The following PAM variants were observed in gnomAD, a reference collection of about 807,000 sequenced individuals.
The protein encoded by PAM is peptidyl-glycine alpha-amidating monooxygenase.
A neutral mutation model predicts 122.1 loss-of-function variants in PAM; 72 were observed. The observed-to-expected ratio is 0.59, with a 90% CI of 0.49 to 0.72. The LOEUF is 0.72. PAM is among the 30% of genes least tolerant of loss of function. The pLI, the probability that PAM is intolerant of heterozygous loss-of-function variation, is 0.00. For missense variants in PAM, 1,106 were observed against 1,183.7 expected, an observed-to-expected ratio of 0.93 and a Z score of 0.96; for synonymous variants, 389 against 404.4, an observed-to-expected ratio of 0.96 and a Z score of 0.46.
At chr5:102,849,185 A>G (rs1780715492) in intron 1 of PAM, among the ~76,000 whole-genome samples, 1 of 152,178 alleles carries the variant, frequency 6.6e-6, no homozygotes, top group Admixed American at 6.5e-5. Context: ...CCACCCAAAC[A>G]CAATCATGGA....
intron 19 of PAM, among the ~76,000 whole-genome samples, 163 bp downstream of exon 19, chr5:103,007,174 CACACACACACATATACAT>C (rs1442771164): frequency 1.4e-5 from 2 of 139,860 alleles, no homozygotes; most frequent in African/African-American, 5.5e-5. Context: ...CTCACACACA[CACACACACACATATACAT>C]ACACACACAC....
At position 102,920,592 on chromosome 5, in the gene PAM, A is replaced by G. The variant is rs566531178; in HGVS notation, c.357-4365A>G. ...GGAAAATATTCTATGGGTTTATAGA[A>G]CAGGTAATAGTATTTGAATATCTGA... On this transcript the variant is annotated intron_variant, in intron 5 of 25. Transcript: ENST00000438793. 6.6e-5 allele frequency among the ~76,000 whole-genome samples: 10 copies of G among 152,254 alleles called. No individual in the cohort carries two copies. The South Asian group carries it at 2.1e-3, about 32-fold the overall frequency.
chr5:102,898,636 T>C (rs1796833928), intron 3 of PAM, among the ~76,000 whole-genome samples: 1 of 151,556 alleles, frequency 6.6e-6, no homozygotes, highest in Admixed American at 6.6e-5. Context: ...CAAGCTTTTA[T>C]GAAATGTTCT....
chr5:102,925,129 G>T (rs1748975189), intron 6 of PAM, 87 bp downstream of exon 6: 2 of 775,518 alleles, frequency 2.6e-6, no homozygotes, highest in Admixed American at 3.6e-5. Context: ...TTTCTAACCA[G>T]TGTTGACAGT....
chr5:102,828,791 C>G (rs961470459), intron 1 of PAM, among the ~76,000 whole-genome samples: 57 of 152,198 alleles, frequency 3.7e-4, no homozygotes, highest in African/African-American at 1.3e-3. Flanking sequence ...GGCTTGTTTA[C>G]TTTTTATTTT....
At chr5:102,911,698 A>G (rs890419713) in intron 4 of PAM, among the ~76,000 whole-genome samples, 3 of 152,020 alleles carry the variant, frequency 2.0e-5, no homozygotes, top group African/African-American at 7.2e-5. Context: ...CCTTACCAAC[A>G]GCTGTCTTCC....
At chr5:102,819,883 T>A (rs890680916) in intron 1 of PAM, among the ~76,000 whole-genome samples, 14 of 152,224 alleles carry the variant, frequency 9.2e-5, no homozygotes, top group African/African-American at 3.4e-4. Flanking sequence ...TGATCAACAC[T>A]CCTCTCTGCT....
intron 1 of PAM, among the ~76,000 whole-genome samples, chr5:102,841,431 A>ACACACACG (rs963035519): frequency 3.9e-5 from 6 of 151,988 alleles, no homozygotes; most frequent in African/African-American, 7.2e-5. Context: ...ACACACACAC[A>ACACACACG]CACACACACA....
chr5:102,948,557 G>T, intron 9 of PAM, 112 bp downstream of exon 9: 1 of 609,966 alleles, frequency 1.6e-6, no homozygotes, highest in Non-Finnish European at 2.9e-6. Context: ...TTATGTCTTG[G>T]AAAAATGAAC....
intron 1 of PAM, among the ~76,000 whole-genome samples, chr5:102,857,302 A>G (rs1400977387): frequency 6.6e-6 from 1 of 152,136 alleles, no homozygotes; most frequent in East Asian, 1.9e-4. Flanking sequence ...GGCTCAGCTA[A>G]TTGTTGCTGT....
chr5:103,024,689 A>T (rs1784475170), intron 23 of PAM, among the ~76,000 whole-genome samples: 1 of 152,168 alleles, frequency 6.6e-6, no homozygotes, highest in South Asian at 2.1e-4. Context: ...ACAGTTTTAT[A>T]GATGAAGTTA....
At chr5:102,792,957 G>A (rs1348224778) in intron 1 of PAM, among the ~76,000 whole-genome samples, 1 of 152,148 alleles carries the variant, frequency 6.6e-6, no homozygotes, top group Admixed American at 6.5e-5. Context: ...TGTTGATCAA[G>A]TAACATTGGA....
chr5:102,997,686 A>T (rs954393792), intron 16 of PAM, among the ~76,000 whole-genome samples: 2 of 152,220 alleles, frequency 1.3e-5, no homozygotes, highest in Non-Finnish European at 2.9e-5. Flanking sequence ...TGATCCTCAA[A>T]TTAGTTAATT....
At chr5:102,952,588 A>G (rs1473891751) in intron 12 of PAM, among the ~76,000 whole-genome samples, 2 of 152,184 alleles carry the variant, frequency 1.3e-5, no homozygotes, top group Non-Finnish European at 2.9e-5. Context: ...CAGTGGAATG[A>G]CAAACAAGTA....
intron 12 of PAM, among the ~76,000 whole-genome samples, chr5:102,957,767 A>T (rs1761233481): frequency 1.3e-5 from 2 of 152,128 alleles, no homozygotes; most frequent in Middle Eastern, 3.4e-3. Flanking sequence ...TGACCTCATG[A>T]TCCACCCACC....
chr5:102,848,408 G>A (rs1780488452), intron 1 of PAM, among the ~76,000 whole-genome samples: 1 of 152,182 alleles, frequency 6.6e-6, no homozygotes. Context: ...CCCTTCAGCA[G>A]ATGGATGGAT....
chr5:103,008,413 A>AT (rs1396221932), intron 20 of PAM, among the ~76,000 whole-genome samples: 1 of 152,124 alleles, frequency 6.6e-6, no homozygotes, highest in Admixed American at 6.6e-5. Context: ...ATCACCTCAC[A>AT]TACTTATGTT....
rs1785850714 is a variant in PAM, at chr5:103,029,128, GC to G, written c.*64del. Reference sequence around the variant, plus strand: ...AGAATGTCAGATTCCTTTCCCTTTAGCACGTTTAAAGTTCTGTGTATTTAAT... The same window carrying G: ...AGAATGTCAGATTCCTTTCCCTTTAGACGTTTAAAGTTCTGTGTATTTAAT... On this transcript the variant is annotated 3_prime_UTR_variant, in exon 26 of 26. Coordinates refer to ENST00000438793, the MANE Select transcript of PAM (RefSeq NM_001177306.2). 7.3e-7 allele frequency: 1 copy of G among 1,368,806 alleles called. No individual in the cohort carries two copies. Among genetic ancestry groups the G allele is most frequent in the South Asian group, 1.4e-5 (1 of 73,656 alleles). 84.8% of individuals were successfully genotyped at this position (1,368,806 alleles called of 1,614,324 possible).
intron 1 of PAM, among the ~76,000 whole-genome samples, chr5:102,796,549 AT>A (rs1561470046): frequency 1.3e-5 from 2 of 152,052 alleles, no homozygotes; most frequent in Admixed American, 6.6e-5. Context: ...GTTTATTGTC[AT>A]TTTTTTGAGC....
Sources: gnomAD v4.1 joint callset for allele counts (sites outside exome capture counted in the v4.1 genomes callset) on GRCh38, gnomAD v4.1.1 for gene constraint, MANE v1.5 for transcripts, NCBI Gene and HGNC (gene_info 2026-07-23, HGNC 2026-07-21) for gene names.